Variants in MEI1 observed in about 807,000 individuals in gnomAD.
MEI1 encodes the protein meiotic double-stranded break formation protein 1.
Under a neutral mutation model 146.2 loss-of-function variants are expected in MEI1, and 103 were observed. The ratio of observed to expected loss-of-function variants is 0.70; its 90% CI spans 0.60 to 0.83. The LOEUF (loss-of-function observed/expected upper bound fraction) is 0.83, where lower values mean the gene tolerates loss of function less well. Ranked by LOEUF, MEI1 falls within the 40% of genes least tolerant of loss-of-function variation. The pLI, the probability that MEI1 is intolerant of heterozygous loss-of-function variation, is 0.00. For synonymous variants in MEI1, 652 were observed against 628.2 expected, an observed-to-expected ratio of 1.04 and a Z score of -0.57; for missense variants, 1,529 against 1,533.0, an observed-to-expected ratio of 1.00 and a Z score of 0.04.
rs181404057 is a variant in MEI1, at chr22:41,799,320, A to G, written c.*21A>G. ...ACTGATCCTCAGGACTTGAAGGCCCAGAAGTGGAGAGAGAATGAGACCTGG... is the reference window on the plus strand; with the variant it reads ...ACTGATCCTCAGGACTTGAAGGCCCGGAAGTGGAGAGAGAATGAGACCTGG... On this transcript the variant is annotated 3_prime_UTR_variant, in exon 31 of 31. Coordinates refer to ENST00000401548, the MANE Select transcript of MEI1 (RefSeq NM_152513.4). 12 of 1,612,126 alleles carry G rather than the reference A, an allele frequency of 7.4e-6. No homozygotes were observed. Among genetic ancestry groups the G allele is most frequent in the Admixed American group, 6.7e-5 (4 of 60,000 alleles).
chr22:41,721,719 C>CTTTTTTTTTT (rs58572782), intron 6 of MEI1, among the ~76,000 whole-genome samples: 1 of 102,226 alleles, frequency 9.8e-6, no homozygotes, highest in Non-Finnish European at 1.8e-5. Context: ...AATGCTACCC[C>CTTTTTTTTTT]TTTTTTTTTT....
chr22:41,731,870 C>T (rs1472377509), intron 9 of MEI1, among the ~76,000 whole-genome samples: 1 of 152,072 alleles, frequency 6.6e-6, no homozygotes, highest in Admixed American at 6.6e-5. Flanking sequence ...GCTGTGGGGG[C>T]TCAGGGGAGG....
chr22:41,774,276 A>G (rs1224756513), intron 20 of MEI1: 4 of 152,272 alleles, frequency 2.6e-5, no homozygotes, highest in African/African-American at 9.6e-5. Context: ...CTCTTCCTCC[A>G]GCATTCACCA....
intron 15 of MEI1, among the ~76,000 whole-genome samples, chr22:41,751,772 TAAA>T (rs35211694): frequency 2.5e-5 from 3 of 119,414 alleles, no homozygotes; most frequent in African/African-American, 9.9e-5. Flanking sequence ...AACTCCATCT[TAAA>T]AAAAAAAAAA....
At chr22:41,737,388 C>A (rs1451996589) in intron 11 of MEI1, among the ~76,000 whole-genome samples, 2 of 152,070 alleles carry the variant, frequency 1.3e-5, no homozygotes, top group Non-Finnish European at 2.9e-5. Context: ...AGGCGCCCAC[C>A]ACCACGCCCA....
intron 17 of MEI1, 43 bp downstream of exon 17, chr22:41,754,089 C>A: frequency 1.4e-6 from 2 of 1,435,024 alleles, no homozygotes; most frequent in South Asian, 1.1e-5. Flanking sequence ...CTGTGCTGGT[C>A]TTTAGAGTCT....
At chr22:41,735,745 G>C (rs1393923690) in intron 11 of MEI1, among the ~76,000 whole-genome samples, 1 of 152,116 alleles carries the variant, frequency 6.6e-6, no homozygotes, top group African/African-American at 2.4e-5. Flanking sequence ...AACTGTATCT[G>C]TTGACTCCAT....
chr22:41,791,135 T>G (rs1322614967), intron 26 of MEI1, among the ~76,000 whole-genome samples: 1 of 152,120 alleles, frequency 6.6e-6, no homozygotes, highest in Non-Finnish European at 1.5e-5. Flanking sequence ...CCTCATACAT[T>G]AGGCTAAGAA....
intron 8 of MEI1, 43 bp from the exon 9 acceptor site, chr22:41,730,478 A>C (rs1183736536): frequency 7.4e-7 from 1 of 1,354,324 alleles, no homozygotes. Flanking sequence ...GATCGTGATC[A>C]CATGGCTGTC....
intron 6 of MEI1, among the ~76,000 whole-genome samples, chr22:41,720,672 C>G (rs1365834364): frequency 6.6e-6 from 1 of 151,582 alleles, no homozygotes; most frequent in Non-Finnish European, 1.5e-5. Flanking sequence ...TCTCAGCTCA[C>G]TGCAAGCTCC....
At position 41,787,297 on chromosome 22, in the gene MEI1, T is replaced by C. The variant is rs2076026568; in HGVS notation, c.3345+2514T>C. On this transcript the variant is annotated intron_variant, in intron 26 of 30. Coordinates refer to ENST00000401548, the MANE Select transcript of MEI1 (RefSeq NM_152513.4). ...TCTGGAACAGAATGGGCTTTTTTTT[T>C]CCTGCAGTTTTTCAAACATACAGCA... Among the ~76,000 whole-genome samples the C allele has an allele frequency of 2.6e-5, 4 of 152,178 alleles. No homozygotes were observed. The South Asian group carries it at 8.3e-4, about 32-fold the overall frequency.
At chr22:41,708,187 A>G (rs1235764498) in intron 3 of MEI1, among the ~76,000 whole-genome samples, 1 of 152,248 alleles carries the variant, frequency 6.6e-6, no homozygotes, top group African/African-American at 2.4e-5. Context: ...CAAAACTTGT[A>G]CAAACAATAA....
At chr22:41,748,041 C>T in intron 14 of MEI1, 66 bp from the exon 15 acceptor site, 1 of 1,089,296 alleles carries the variant, frequency 9.2e-7, no homozygotes, top group East Asian at 2.4e-5. Context: ...TGTGAGTTTT[C>T]TCTGATGCCT....
At chr22:41,784,858 G>A in intron 26 of MEI1, 75 bp downstream of exon 26, 1 of 1,251,304 alleles carries the variant, frequency 8.0e-7, no homozygotes, top group Non-Finnish European at 1.1e-6. Flanking sequence ...TCGAGAGCCT[G>A]ATACTCCTAC....
At chr22:41,738,795 A>C in intron 11 of MEI1, among the ~76,000 whole-genome samples, 1 of 50,882 alleles carries the variant, frequency 2.0e-5, no homozygotes, top group South Asian at 5.0e-4. Context: ...ATAAATAAAT[A>C]AGTAATAAAA....
At chr22:41,765,881 TTC>T (rs1311004633) in intron 19 of MEI1, among the ~76,000 whole-genome samples, 2 of 147,384 alleles carry the variant, frequency 1.4e-5, no homozygotes, top group African/African-American at 5.1e-5. Flanking sequence ...TACCAAAATG[TTC>T]TTTTTTTTTT....
intron 7 of MEI1, among the ~76,000 whole-genome samples, 186 bp downstream of exon 7, chr22:41,724,259 G>A (rs944725141): frequency 6.6e-6 from 1 of 152,184 alleles, no homozygotes; most frequent in African/African-American, 2.4e-5. Context: ...GGCCTAGGTT[G>A]GTGGATTGCT....
Position 41,718,201 on chromosome 22 carries a change from T to TG in MEI1, c.661dup (p.Glu221GlyfsTer22). On this transcript the variant is annotated frameshift_variant, in exon 6 of 31. Transcript: ENST00000401548. LOFTEE classifies it high-confidence loss of function. ...CTGAGATGCTTTCAGGACACTTCCG[T>TG]GAGAAGCTTTTTCCCCTCTTCCTTT... 6.2e-7 allele frequency: 1 copy of TG among 1,613,968 alleles called. No individual in the cohort carries two copies. The highest frequency in any genetic ancestry group is 8.5e-7 in the Non-Finnish European group (1 of 1,179,890).
chr22:41,774,468 G>A (rs966435335), intron 20 of MEI1: 1 of 152,084 alleles, frequency 6.6e-6, no homozygotes, highest in Non-Finnish European at 1.5e-5. Flanking sequence ...CCTTCCCGTC[G>A]GGCTTCAGCC....
Sources: allele counts gnomAD v4.1 joint callset (sites outside exome capture counted in the v4.1 genomes callset), GRCh38; gene constraint gnomAD v4.1.1; transcripts MANE v1.5; gene names NCBI Gene and HGNC (gene_info 2026-07-23, HGNC 2026-07-21).